The following PDE3B variants were observed in gnomAD, a reference collection of about 807,000 sequenced individuals.
PDE3B encodes phosphodiesterase 3B, also known as cGMP-inhibited 3',5'-cyclic phosphodiesterase 3B.
In PDE3B, 66 loss-of-function variants were observed where a neutral mutation model predicts 116.8. The observed-to-expected ratio is 0.56, with a 90% confidence interval of 0.46 to 0.69. PDE3B has a LOEUF of 0.69. Among genes scored for constraint, PDE3B ranks in the 30% least tolerant of loss-of-function variants. PDE3B has a pLI of 0.00. For synonymous variants in PDE3B, 595 were observed against 533.6 expected (o/e 1.12, Z -1.59); for missense variants, 1,384 against 1,368.1 (o/e 1.01, Z -0.18).
rs117011483 is a variant in PDE3B at position 14,801,188 on chromosome 11, T to C, written c.1416-2756T>C. On this transcript the variant is annotated intron_variant, in intron 4 of 15. Transcript: ENST00000282096. ...CAAACTCATTCTCTGTCCAGTTTTA[T>C]TCCCCTGCTGGTGAGGAGTTGTGAT... Among the ~76,000 whole-genome samples the C allele has an allele frequency of 3.6e-3, 555 of 152,334 alleles. 4 individuals are homozygous for C. Among genetic ancestry groups the C allele is most frequent in the Admixed American group, 5.7e-3 (88 of 15,306 alleles).
chr11:14,681,209 T>C (rs1372229931), intron 1 of PDE3B, among the ~76,000 whole-genome samples: 1 of 152,192 alleles, frequency 6.6e-6, no homozygotes, highest in Admixed American at 6.5e-5. Flanking sequence ...TATAGTGCAT[T>C]TATCTAGACA....
chr11:14,654,987 C>T (rs558640304), intron 1 of PDE3B, among the ~76,000 whole-genome samples: 4 of 152,058 alleles, frequency 2.6e-5, no homozygotes, highest in Admixed American at 6.5e-5. Flanking sequence ...AGGACAAATA[C>T]TTAAAGCATG....
chr11:14,666,523 C>A (rs1465977092), intron 1 of PDE3B, among the ~76,000 whole-genome samples: 4 of 150,178 alleles, frequency 2.7e-5, no homozygotes, highest in Non-Finnish European at 5.9e-5. Context: ...AAAATTTTCG[C>A]AACCTACTCA....
intron 1 of PDE3B, among the ~76,000 whole-genome samples, chr11:14,701,863 TC>T (rs1176293843): frequency 1.3e-5 from 2 of 151,716 alleles, no homozygotes; most frequent in African/African-American, 2.4e-5. Context: ...CTGGAAGCGT[TC>T]AAGATTTCCT....
intron 12 of PDE3B, among the ~76,000 whole-genome samples, chr11:14,846,361 A>G (rs1042544176): frequency 1.3e-5 from 2 of 152,200 alleles, no homozygotes; most frequent in African/African-American, 2.4e-5. Context: ...GAAAGGAACA[A>G]CTGGTACCAG....
intron 1 of PDE3B, among the ~76,000 whole-genome samples, chr11:14,743,408 C>G (rs1192541382): frequency 1.3e-5 from 2 of 152,190 alleles, no homozygotes; most frequent in Non-Finnish European, 2.9e-5. Context: ...GACACCCCTT[C>G]CCCCACCAAG....
chr11:14,644,360 C>G lies in PDE3B; in HGVS notation c.285C>G (p.Gly95=). ...CCTTTGTCCTCGCCCTGCTGCTGGG[C>G]GCGGAACCCGAGAGCTGGGCTGCCG... ...LAAFVLALLL[G]AEPESWAAGA... Residue 95 remains glycine, a synonymous_variant, in exon 1 of 16, where the codon GGC becomes GGG. Coordinates refer to ENST00000282096, the MANE Select transcript of PDE3B (RefSeq NM_000922.4). 6.3e-7 allele frequency: 1 copy of G among 1,593,652 alleles called. No homozygotes were observed. Among genetic ancestry groups the G allele is most frequent in the Non-Finnish European group, 8.5e-7 (1 of 1,172,460 alleles).
intron 1 of PDE3B, among the ~76,000 whole-genome samples, chr11:14,703,218 G>T (rs1324834481): frequency 6.6e-6 from 1 of 151,822 alleles, no homozygotes; most frequent in Non-Finnish European, 1.5e-5. Context: ...ATTCCATGGA[G>T]TAAATTGACT....
chr11:14,840,414 A>G (rs1860185556), intron 11 of PDE3B, among the ~76,000 whole-genome samples: 1 of 152,198 alleles, frequency 6.6e-6, no homozygotes, highest in African/African-American at 2.4e-5. Context: ...TAAATTTGTC[A>G]TGTGCAGTAG....
Position 14,870,692 on chromosome 11 carries a change from T to C in PDE3B, c.*1032T>C, listed in dbSNP as rs948484313. On this transcript the variant is annotated 3_prime_UTR_variant, in exon 16 of 16. Coordinates refer to ENST00000282096, the MANE Select transcript of PDE3B (RefSeq NM_000922.4). This position sits in a 1 kb window ranked among gnomAD's most constrained non-coding sequence, Gnocchi z 4.1. ...GTTCACTCTAAAACTGATGTTCATCTTTCTGTTAATTTCCCTCTGCCTAAA... is the reference window on the plus strand; with the variant it reads ...GTTCACTCTAAAACTGATGTTCATCCTTCTGTTAATTTCCCTCTGCCTAAA... 1 of 152,244 alleles carries C rather than the reference T, an allele frequency of 6.6e-6. No individual in the cohort carries two copies. The highest frequency in any genetic ancestry group is 1.9e-4 in the East Asian group (1 of 5,204). The allele number at this position is 152,244 out of a possible 1,614,324, so 9.4% of individuals were successfully genotyped here. A position where few individuals can be genotyped will look rare whatever the true frequency, so the allele number is the denominator to read the frequency against.
At position 14,830,629 on chromosome 11, in the gene PDE3B, T is replaced by C. The variant is rs1368027652; in HGVS notation, c.1808-69T>C. 55 of 623,778 alleles carry C rather than the reference T, an allele frequency of 8.8e-5. 1 individual carries two copies. Among genetic ancestry groups the C allele is most frequent in the Non-Finnish European group, 3.6e-5 (14 of 390,580 alleles). 38.6% of individuals were successfully genotyped at this position (623,778 alleles called of 1,614,324 possible). On this transcript the variant is annotated intron_variant, in intron 7 of 15. Transcript: ENST00000282096. ...TTATCTAAATATTTTTAACAATTAT[T>C]TTTCATGTAAAGCTGTACATATAGG...
At chr11:14,879,045 A>T in the PDE3B span, 4 of 1,247,546 alleles carry the variant, frequency 3.2e-6, no homozygotes, top group Non-Finnish European at 4.7e-6. Context: ...GCTTCAGATT[A>T]AGATGCTGTA....
the PDE3B span, chr11:14,877,412 G>A: frequency 1.3e-5 from 2 of 152,266 alleles, no homozygotes; most frequent in Non-Finnish European, 2.9e-5. Context: ...CAGGGAAAAT[G>A]TGCCAACAAA....
chr11:14,891,407 T>C, the PDE3B span: 1 of 985,842 alleles, frequency 1.0e-6, no homozygotes, highest in South Asian at 4.7e-5. Flanking sequence ...AGTCATCAAT[T>C]CATTCACGCG....
At chr11:14,658,321 T>G (rs1162777355) in intron 1 of PDE3B, among the ~76,000 whole-genome samples, 1 of 152,134 alleles carries the variant, frequency 6.6e-6, no homozygotes, top group Non-Finnish European at 1.5e-5. Flanking sequence ...AATTCTGACA[T>G]CTTTTAGACA....
the PDE3B span, chr11:14,890,536 T>TC: frequency 6.8e-6 from 2 of 295,168 alleles, no homozygotes; most frequent in East Asian, 3.6e-4. Context: ...CTAGACCAAT[T>TC]CTTTTTTTTT....
chr11:14,687,455 T>C (rs142459108), intron 1 of PDE3B, among the ~76,000 whole-genome samples: 13 of 152,294 alleles, frequency 8.5e-5, no homozygotes, highest in Admixed American at 1.3e-4. Context: ...GTGGGAAATA[T>C]GAAGCAAACT....
chr11:14,759,475 G>A (rs1857291316), intron 1 of PDE3B, among the ~76,000 whole-genome samples: 1 of 151,520 alleles, frequency 6.6e-6, no homozygotes, highest in African/African-American at 2.4e-5. Context: ...TTGTAGTTCA[G>A]TAGTAGTTCA....
At chr11:14,788,098 T>G (rs1858265862) in intron 3 of PDE3B, among the ~76,000 whole-genome samples, 1 of 151,890 alleles carries the variant, frequency 6.6e-6, no homozygotes, top group Non-Finnish European at 1.5e-5. Context: ...GAGTAAGTCA[T>G]ATAAGAACCA....
Sources: gnomAD v4.1 joint callset for allele counts (sites outside exome capture counted in the v4.1 genomes callset) on GRCh38, gnomAD v4.1.1 for gene constraint, Gnocchi (gnomAD v3.1) non-coding constraint, MANE v1.5 for transcripts, NCBI Gene and HGNC (gene_info 2026-07-23, HGNC 2026-07-21) for gene names.